Variants in DMD observed in about 807,000 individuals in gnomAD.
DMD encodes mutant dystrophin.
A neutral mutation model predicts 330.1 loss-of-function variants in DMD; 63 were observed. The ratio of observed to expected loss-of-function variants is 0.19; its 90% CI spans 0.16 to 0.24. The LOEUF is 0.24. Among genes scored for constraint, DMD ranks in the 10% least tolerant of loss-of-function variants. The pLI is 1.00. For synonymous variants in DMD, 1,223 were observed against 959.8 expected, an observed-to-expected ratio of 1.27 and a Z score of -5.07; for missense variants, 3,344 against 2,684.1, an observed-to-expected ratio of 1.25 and a Z score of -5.43.
At chrX:32,729,067 C>A (rs766569697) in intron 7 of DMD, among the ~76,000 whole-genome samples, 38 of 112,005 alleles carry the variant, frequency 3.4e-4, no homozygotes, top group African/African-American at 1.2e-3. Context: ...CACGTGTAAG[C>A]AAGTAAGTTC....
chrX:31,166,190 T>C (rs2039399806), intron 74 of DMD, among the ~76,000 whole-genome samples: 1 of 112,058 alleles, frequency 8.9e-6, no homozygotes, highest in South Asian at 3.7e-4. Flanking sequence ...AACAAATATT[T>C]ATTGAATACT....
chrX:32,735,705 C>A (rs886274444), intron 7 of DMD, among the ~76,000 whole-genome samples: 65 of 111,940 alleles, frequency 5.8e-4, no homozygotes, highest in African/African-American at 2.1e-3. Flanking sequence ...GGAAAACTGG[C>A]TAGCCATATG....
intron 45 of DMD, among the ~76,000 whole-genome samples, chrX:31,939,175 C>A (rs967685371): frequency 1.8e-5 from 2 of 111,787 alleles, no homozygotes; most frequent in East Asian, 5.6e-4. Context: ...CACCTAGTAA[C>A]CTCCTCAGGC....
intron 50 of DMD, among the ~76,000 whole-genome samples, chrX:31,782,627 T>C (rs1403452797): frequency 9.0e-6 from 1 of 111,394 alleles, no homozygotes; most frequent in Non-Finnish European, 1.9e-5. Context: ...TTTAAGTCTC[T>C]ACATTTGGGG....
chrX:32,383,733 A>C (rs1375026406), intron 33 of DMD, among the ~76,000 whole-genome samples: 1 of 110,885 alleles, frequency 9.0e-6, no homozygotes. Context: ...ACAAGCTCTC[A>C]GATATGTATT....
chrX:31,793,042 G>C (rs2091652792), intron 50 of DMD, among the ~76,000 whole-genome samples: 1 of 110,922 alleles, frequency 9.0e-6, no homozygotes, highest in African/African-American at 3.3e-5. Context: ...AGCTGAAAAG[G>C]GGATGGGGGT....
At chrX:31,342,003 A>G (rs2057799738) in intron 61 of DMD, among the ~76,000 whole-genome samples, 1 of 111,095 alleles carries the variant, frequency 9.0e-6, no homozygotes, top group South Asian at 3.9e-4. Flanking sequence ...GATATTTTCT[A>G]ATCTGTTCCA....
Position 32,485,048 on chromosome X carries a change from T to C in DMD, c.2674A>G (p.Ile892Val). ...TTCTCTTTCAGGGCTATGCTTTGAATTTTTAATCGTTCAATTTGAGGTTGA... is the reference window on the plus strand; with the variant it reads ...TTCTCTTTCAGGGCTATGCTTTGAACTTTTAATCGTTCAATTTGAGGTTGA... ...DLQPQIERLKIQSIALKEKGQ... is the reference protein window; with the variant it reads ...DLQPQIERLKVQSIALKEKGQ... Residue 892 changes from isoleucine to valine, a missense_variant, in exon 21 of 79, where the codon ATT becomes GTT. Physicochemically the swap from Ile to Val is conservative, Grantham distance 29 (BLOSUM62 3). Coordinates refer to ENST00000357033, the MANE Select transcript of DMD (RefSeq NM_004006.3). 1 of 1,211,441 alleles carries C rather than the reference T, an allele frequency of 8.3e-7. No homozygotes were observed. The highest frequency in any genetic ancestry group is 1.1e-6 in the Non-Finnish European group (1 of 895,174).
intron 43 of DMD, among the ~76,000 whole-genome samples, chrX:32,277,865 A>G (rs530946237): frequency 9.7e-4 from 108 of 111,176 alleles, no homozygotes; most frequent in Middle Eastern, 4.6e-3. Context: ...AAAAAGAAAA[A>G]AACTTCAAAT....
intron 22 of DMD, among the ~76,000 whole-genome samples, chrX:32,469,327 A>C (rs1420455591): frequency 1.8e-5 from 2 of 110,555 alleles, no homozygotes; most frequent in Non-Finnish European, 3.8e-5. Context: ...TATTTACTTT[A>C]ATGTTACTTT....
intron 44 of DMD, among the ~76,000 whole-genome samples, chrX:32,015,874 CTG>C (rs1393843186): frequency 8.9e-6 from 1 of 111,798 alleles, no homozygotes; most frequent in Non-Finnish European, 1.9e-5. Context: ...TAACTAATGA[CTG>C]TAATTCTCAT....
intron 1 of DMD, among the ~76,000 whole-genome samples, chrX:33,058,722 G>A (rs1235118097): frequency 9.0e-6 from 1 of 111,299 alleles, no homozygotes; most frequent in Non-Finnish European, 1.9e-5. Flanking sequence ...CAATATTTGA[G>A]AGCTCCAGCT....
chrX:32,527,287 AAAG>A (rs1383679625), intron 17 of DMD, among the ~76,000 whole-genome samples: 1 of 112,389 alleles, frequency 8.9e-6, no homozygotes, highest in African/African-American at 3.2e-5. Context: ...TGTTGGTATT[AAAG>A]AAGAAATAAT....
At chrX:31,271,144 T>C (rs187248654) in intron 62 of DMD, among the ~76,000 whole-genome samples, 52 of 111,431 alleles carry the variant, frequency 4.7e-4, no homozygotes, top group African/African-American at 1.5e-3. Context: ...ACAACAAAGA[T>C]TGGATGAGTA....
rs189725761 is a variant in DMD at position 31,242,846 on chromosome X, C to T, written c.9286+18109G>A. Among the ~76,000 whole-genome samples the T allele has an allele frequency of 2.8e-4, 31 of 110,490 alleles. 1 individual carries two copies. In the Admixed American group the frequency reaches 3.0e-3, roughly 11 times the overall value. ...TGGCATTAATAAACGATACCACTAG[C>T]AATAAGAGAAGATAAAATAATATGG... On this transcript the variant is annotated intron_variant, in intron 63 of 78. Transcript: ENST00000357033.
chrX:32,144,758 C>T (rs893404719), intron 44 of DMD, among the ~76,000 whole-genome samples: 7 of 111,823 alleles, frequency 6.3e-5, no homozygotes, highest in Non-Finnish European at 1.1e-4. Flanking sequence ...ACGGGCTGGG[C>T]GCGGTGGCTC....
At chrX:31,906,428 T>C (rs1258035062) in intron 47 of DMD, among the ~76,000 whole-genome samples, 1 of 112,344 alleles carries the variant, frequency 8.9e-6, no homozygotes, top group Non-Finnish European at 1.9e-5. Flanking sequence ...ATATTTTTCC[T>C]AATTCTTTTT....
At chrX:31,214,937 C>CTTTTTTCTTTTTTTTTT (rs1556299261) in intron 64 of DMD, among the ~76,000 whole-genome samples, 18 of 38,084 alleles carry the variant, frequency 4.7e-4, no homozygotes, top group South Asian at 2.2e-3. Flanking sequence ...TTTCTTTTTT[C>CTTTTTTCTTTTTTTTTT]TTTTTTTTTT....
At chrX:32,561,733 G>A (rs770651473) in intron 16 of DMD, among the ~76,000 whole-genome samples, 3 of 111,241 alleles carry the variant, frequency 2.7e-5, no homozygotes, top group South Asian at 3.8e-4. Context: ...CCCAACATAC[G>A]TAATCATACA....
Sources: gnomAD v4.1 joint callset for allele counts (sites outside exome capture counted in the v4.1 genomes callset) on GRCh38, gnomAD v4.1.1 for gene constraint, MANE v1.5 for transcripts, NCBI Gene and HGNC (gene_info 2026-07-23, HGNC 2026-07-21) for gene names.